Variants in SYT9 observed in about 807,000 individuals in gnomAD.
SYT9 encodes synaptotagmin-9.
In SYT9, 22 loss-of-function variants were observed where a neutral mutation model predicts 48.4. The ratio of observed to expected loss-of-function variants is 0.45; its 90% CI spans 0.32 to 0.65. SYT9 has a LOEUF of 0.65. Ranked by LOEUF, SYT9 falls within the 30% of genes least tolerant of loss-of-function variation. The pLI is 0.03. For missense variants in SYT9, 577 were observed against 622.0 expected, an observed-to-expected ratio of 0.93 and a Z score of 0.77; for synonymous variants, 265 against 245.0, an observed-to-expected ratio of 1.08 and a Z score of -0.76.
In SYT9 at chr11:7,251,927, TCTC is replaced by T; in HGVS notation, c.-256_-254del. ...GCGCTCTGGGCTGTGCGGCACCGCCTCTCCTCGGTGTCTGGGGAGGGACGGAGG... is the reference window on the plus strand; with the variant it reads ...GCGCTCTGGGCTGTGCGGCACCGCCTCTCGGTGTCTGGGGAGGGACGGAGG... On this transcript the variant is annotated 5_prime_UTR_variant, in exon 1 of 7. Transcript: ENST00000318881. 5.1e-6 allele frequency: 2 copies of T among 391,554 alleles called. No individual in the cohort carries two copies. The highest frequency in any genetic ancestry group is 9.1e-6 in the Non-Finnish European group (2 of 220,866). 24.3% of individuals were successfully genotyped at this position (391,554 alleles called of 1,614,324 possible). A position where few individuals can be genotyped will look rare whatever the true frequency, so the allele number is the denominator to read the frequency against.
In SYT9 at chr11:7,410,923, C is replaced by T. The variant is rs758789607; in HGVS notation, c.1045-5119C>T. On this transcript the variant is annotated intron_variant, in intron 3 of 6. Coordinates refer to ENST00000318881, the MANE Select transcript of SYT9 (RefSeq NM_175733.4). ...AGGCTGGAGCGCAATGGCGCAGTCC[C>T]AGCTCACTGCAACCTCTGCCTCCCA... 5.8e-4 allele frequency among the ~76,000 whole-genome samples: 88 copies of T among 152,158 alleles called. 1 individual carries two copies. The highest frequency in any genetic ancestry group is 1.1e-3 in the Admixed American group (17 of 15,280).
At chr11:7,259,926 A>C (rs1360905013) in intron 1 of SYT9, among the ~76,000 whole-genome samples, 1 of 152,098 alleles carries the variant, frequency 6.6e-6, no homozygotes, top group African/African-American at 2.4e-5. Context: ...ACTCTTTTCC[A>C]ATGCAAAATG....
intron 6 of SYT9, among the ~76,000 whole-genome samples, chr11:7,459,127 T>C (rs925191548): frequency 6.6e-6 from 1 of 152,250 alleles, no homozygotes; most frequent in Non-Finnish European, 1.5e-5. Context: ...TAAAGGATGA[T>C]TCCAAGGTTG....
At chr11:7,442,807 G>T (rs1847851568) in intron 6 of SYT9, among the ~76,000 whole-genome samples, 1 of 152,004 alleles carries the variant, frequency 6.6e-6, no homozygotes, top group African/African-American at 2.4e-5. Context: ...TGACATCACT[G>T]CAGGTAACTC....
At chr11:7,342,077 G>T (rs1353076957) in intron 3 of SYT9, among the ~76,000 whole-genome samples, 2 of 152,038 alleles carry the variant, frequency 1.3e-5, no homozygotes, top group African/African-American at 4.8e-5. Flanking sequence ...CTCCCACCAG[G>T]TCCCTCCCCC....
intron 1 of SYT9, among the ~76,000 whole-genome samples, chr11:7,241,788 G>A (rs1169332640): frequency 6.6e-6 from 1 of 152,152 alleles, no homozygotes; most frequent in Non-Finnish European, 1.5e-5. Context: ...TTGTCCAGGG[G>A]GATCGTAAGA....
chr11:7,367,700 G>A (rs896896075), intron 3 of SYT9, among the ~76,000 whole-genome samples: 1 of 152,000 alleles, frequency 6.6e-6, no homozygotes, highest in African/African-American at 2.4e-5. Context: ...GAAATTAAAG[G>A]TGTCAGGTTT....
chr11:7,319,031 G>A (rs1422200036), intron 3 of SYT9, among the ~76,000 whole-genome samples: 2 of 152,100 alleles, frequency 1.3e-5, no homozygotes, highest in Non-Finnish European at 2.9e-5. Flanking sequence ...CCTGCTCAGT[G>A]TCCCTGAAGG....
intron 1 of SYT9, among the ~76,000 whole-genome samples, chr11:7,297,062 GTGT>G (rs1848824606): frequency 1.5e-3 from 6 of 4,022 alleles, no homozygotes; most frequent in South Asian, 0.045. Context: ...GAACCACGGT[GTGT>G]GTGTGTGTGT....
At chr11:7,377,612 G>A (rs1850477848) in intron 3 of SYT9, among the ~76,000 whole-genome samples, 1 of 152,068 alleles carries the variant, frequency 6.6e-6, no homozygotes, top group African/African-American at 2.4e-5. Flanking sequence ...CTGATAAAAG[G>A]TGAGAGGCAA....
At chr11:7,354,986 A>T (rs1263730545) in intron 3 of SYT9, among the ~76,000 whole-genome samples, 1 of 151,854 alleles carries the variant, frequency 6.6e-6, no homozygotes, top group Non-Finnish European at 1.5e-5. Flanking sequence ...TGAAGTTGTT[A>T]AAAAAAATGA....
chr11:7,307,219 A>T (rs1196895680), intron 2 of SYT9, among the ~76,000 whole-genome samples: 2 of 152,234 alleles, frequency 1.3e-5, no homozygotes, highest in East Asian at 3.8e-4. Context: ...AGGTCCCATG[A>T]CTGGCCACAA....
chr11:7,335,279 A>G (rs1255129166), intron 3 of SYT9, among the ~76,000 whole-genome samples: 1 of 152,144 alleles, frequency 6.6e-6, no homozygotes, highest in Non-Finnish European at 1.5e-5. Context: ...TTTTTTGATA[A>G]ACTGTACAAA....
At position 7,252,359 on chromosome 11, in the gene SYT9, G is replaced by T; in HGVS notation, c.145+28G>T. The T allele has an allele frequency of 7.0e-7, 1 of 1,433,342 alleles. No homozygotes were observed. Among genetic ancestry groups the T allele is most frequent in the South Asian group, 1.5e-5 (1 of 66,614 alleles). 88.8% of individuals were successfully genotyped at this position (1,433,342 alleles called of 1,614,324 possible). ...GAGTGCCGCCACCGCCGCCTGGAGG[G>T]ACCTAAGGGCCCTGGGCTGGGACTT... On this transcript the variant is annotated intron_variant, in intron 1 of 6. Coordinates refer to ENST00000318881, the MANE Select transcript of SYT9 (RefSeq NM_175733.4). This position sits in a 1 kb window ranked among gnomAD's most constrained non-coding sequence, Gnocchi z 6.3.
intron 6 of SYT9, chr11:7,441,667 C>T (rs574477418): frequency 3.4e-4 from 52 of 152,270 alleles, no homozygotes; most frequent in African/African-American, 1.2e-3. Flanking sequence ...CAGGTCTAGG[C>T]ATTGCATCCA....
intron 3 of SYT9, among the ~76,000 whole-genome samples, chr11:7,315,239 G>A (rs984888009): frequency 6.6e-5 from 10 of 152,190 alleles, no homozygotes; most frequent in African/African-American, 2.2e-4. Flanking sequence ...TATCTTAAAA[G>A]ATAATAATAC....
intron 6 of SYT9, among the ~76,000 whole-genome samples, chr11:7,424,579 T>C (rs1363274685): frequency 1.3e-5 from 2 of 152,230 alleles, no homozygotes; most frequent in Admixed American, 6.5e-5. Flanking sequence ...ATCTGTTGTA[T>C]GAATAAGTAC....
intron 6 of SYT9, among the ~76,000 whole-genome samples, chr11:7,447,991 G>A (rs193120798): frequency 1.2e-4 from 18 of 152,302 alleles, no homozygotes; most frequent in Non-Finnish European, 7.3e-5. Context: ...AAGATTGCAC[G>A]TTCAAATGTC....
rs1847403411 is a variant in SYT9 at position 7,423,924 on chromosome 11, A to G, written c.1467+3289A>G. On this transcript the variant is annotated intron_variant, in intron 6 of 6. Transcript: ENST00000318881. ...GTCTTCTTTAAAACAAAAACCAGCA[A>G]TTAAATCTCAGTGCTCATGATAACA... Among the ~76,000 whole-genome samples the G allele has an allele frequency of 2.0e-5, 3 of 152,224 alleles. No individual in the cohort carries two copies. In the South Asian group the frequency reaches 6.2e-4, roughly 32 times the overall value.
Sources: gnomAD v4.1 joint callset for allele counts (sites outside exome capture counted in the v4.1 genomes callset) on GRCh38, gnomAD v4.1.1 for gene constraint, Gnocchi (gnomAD v3.1) non-coding constraint, MANE v1.5 for transcripts, NCBI Gene and HGNC (gene_info 2026-07-23, HGNC 2026-07-21) for gene names.